Variants in SPTBN4 observed in about 807,000 individuals in gnomAD.
SPTBN4 encodes the protein spectrin beta chain, non-erythrocytic 4.
SPTBN4 carries 96 observed loss-of-function variants against 277.8 expected under a neutral mutation model. That is an observed-to-expected ratio of 0.35 (90% CI 0.29 to 0.41). SPTBN4 has a LOEUF of 0.41. Among genes scored for constraint, SPTBN4 ranks in the 10% least tolerant of loss-of-function variants. The probability of loss-of-function intolerance (pLI) is 1.00; values close to 1 mark genes in which losing one functional copy is unlikely to be tolerated. For missense variants in SPTBN4, 3,006 were observed against 3,595.7 expected, an observed-to-expected ratio of 0.84 and a Z score of 4.19; for synonymous variants, 1,481 against 1,580.3, an observed-to-expected ratio of 0.94 and a Z score of 1.49.
In SPTBN4 at chr19:40,556,211, G is replaced by A. The variant is rs570941668; in HGVS notation, c.5212G>A (p.Glu1738Lys). 6 of 1,613,728 alleles carry A rather than the reference G, an allele frequency of 3.7e-6. No homozygotes were observed. Among genetic ancestry groups the A allele is most frequent in the African/African-American group, 1.3e-5 (1 of 75,014 alleles). ...WLYQLSRQVS[E>K]LEHWIAEKEV... ...GTACCAGCTCAGCCGCCAGGTGAGCGAGCTTGAGCACTGGATTGCCGAGAA... is the reference window on the plus strand; with the variant it reads ...GTACCAGCTCAGCCGCCAGGTGAGCAAGCTTGAGCACTGGATTGCCGAGAA... Residue 1738 changes from glutamate to lysine, a missense_variant, in exon 25 of 36, where the codon GAG (glutamate) becomes AAG (lysine). Glu to Lys is a moderately conservative substitution (Grantham distance 56). This residue lies in a region of SPTBN4 where 425 missense variants were observed against 594.7 expected (regional missense o/e 0.71). Transcript: ENST00000598249.
At chr19:40,483,306 G>A (rs1388702741) in intron 2 of SPTBN4, among the ~76,000 whole-genome samples, 5 of 152,150 alleles carry the variant, frequency 3.3e-5, no homozygotes, top group South Asian at 2.1e-4. Context: ...GGCATCATCT[G>A]TTAGAAGGCA....
chr19:40,568,266 G>A lies in SPTBN4; in HGVS notation c.6940G>A (p.Gly2314Arg), dbSNP rs1246633179. 1 of 1,605,788 alleles carries A rather than the reference G, an allele frequency of 6.2e-7. No homozygotes were observed. Among genetic ancestry groups the A allele is most frequent in the Non-Finnish European group, 8.5e-7 (1 of 1,176,476 alleles). The change falls in exon 31 of 36, where the codon GGA (glycine) becomes AGA (arginine). Residue 2314 changes from glycine (G) to arginine (R), a missense_variant. Around this residue, in one of 5 missense-constraint regions of SPTBN4, gnomAD observed 630 missense variants for 677.6 expected, o/e 0.93. Transcript: ENST00000598249. Reference sequence around the variant, plus strand: ...CAGCGAACAGGAGATGCCCATCAGAGGAGACCTGGTCAAGGGGTGAGGTGC... The same window carrying A: ...CAGCGAACAGGAGATGCCCATCAGAAGAGACCTGGTCAAGGGGTGAGGTGC... The part of the protein sequence containing the change: ...ESSEQEMPIR[G>R]DLVKGKATLA...
intron 16 of SPTBN4, 65 bp downstream of exon 16, chr19:40,520,216 AG>A: frequency 1.1e-6 from 1 of 888,238 alleles, no homozygotes; most frequent in Non-Finnish European, 1.4e-6. Flanking sequence ...TTGCAGGGAC[AG>A]GGACATGCGG....
intron 16 of SPTBN4, among the ~76,000 whole-genome samples, chr19:40,523,115 AGAGT>A (rs1420298622): frequency 6.6e-6 from 1 of 152,176 alleles, no homozygotes; most frequent in East Asian, 1.9e-4. Flanking sequence ...CCTGGGCAAC[AGAGT>A]GAGACTCCAT....
rs756511372 is a variant in SPTBN4 at position 40,554,689 on chromosome 19, A to G, written c.5084+43A>G. ...CAGTTCACAGGAATGGTCCAGCAGG[A>G]CCTGAAGCTTCGCTGTTGGGAGTTG... On this transcript the variant is annotated intron_variant, in intron 24 of 35. Transcript: ENST00000598249. This position sits in a 1 kb window ranked among gnomAD's most constrained non-coding sequence, Gnocchi z 5.7. 52 of 1,586,054 alleles carry G rather than the reference A, an allele frequency of 3.3e-5. No individual in the cohort carries two copies. The highest frequency in any genetic ancestry group is 4.4e-5 in the Non-Finnish European group (51 of 1,167,230).
Position 40,504,152 on chromosome 19 carries a change from G to GGT in SPTBN4, c.1665+20_1665+21insGT. On this transcript the variant is annotated intron_variant, in intron 12 of 35. Coordinates refer to ENST00000598249, the MANE Select transcript of SPTBN4 (RefSeq NM_020971.3). ...ATGCAGGTGCCGGCGGGGGGGCGGG[G>GGT]ATGCGGGTGGAGTGCCAGGAGGGAG... 4.6e-6 allele frequency: 4 copies of GGT among 877,194 alleles called. No homozygotes were observed. Among genetic ancestry groups the GGT allele is most frequent in the Non-Finnish European group, 7.1e-6 (4 of 566,472 alleles). The allele number at this position is 877,194 out of a possible 1,614,324, so 54.3% of individuals were successfully genotyped here. A position where few individuals can be genotyped will look rare whatever the true frequency, so the allele number is the denominator to read the frequency against.
At chr19:40,571,929 C>G in intron 33 of SPTBN4, 90 bp from the exon 34 acceptor site, 1 of 1,421,282 alleles carries the variant, frequency 7.0e-7, no homozygotes, top group Non-Finnish European at 9.3e-7. Flanking sequence ...GGTAGGAAGG[C>G]TCAGACATAT....
intron 20 of SPTBN4, among the ~76,000 whole-genome samples, chr19:40,541,667 T>C (rs576264952): frequency 9.9e-5 from 15 of 152,282 alleles, no homozygotes; most frequent in South Asian, 4.1e-4. Context: ...GCCTCTCTCC[T>C]GTCCTCCCGT....
chr19:40,486,992 G>A (rs533089066), intron 2 of SPTBN4, among the ~76,000 whole-genome samples: 1 of 151,904 alleles, frequency 6.6e-6, no homozygotes, highest in African/African-American at 2.4e-5. Context: ...GCAGAGGGTC[G>A]GGGAAGGCGT....
Position 40,502,754 on chromosome 19 carries a change from G to A in SPTBN4, c.1204-21G>A. The A allele has an allele frequency of 1.2e-6, 2 of 1,611,738 alleles. No individual in the cohort carries two copies. Among genetic ancestry groups the A allele is most frequent in the Non-Finnish European group, 1.7e-6 (2 of 1,178,798 alleles). ...TGTGGGGAGCTGTCAGAGTCTGAGT[G>A]CCTCCTCCCATCTCCTGCAGGCATG... On this transcript the variant is annotated intron_variant, in intron 10 of 35. Transcript: ENST00000598249. This position sits in a 1 kb window ranked among gnomAD's most constrained non-coding sequence, Gnocchi z 4.9.
chr19:40,542,553 C>G (rs1261195338), intron 20 of SPTBN4, among the ~76,000 whole-genome samples: 1 of 152,094 alleles, frequency 6.6e-6, no homozygotes, highest in Admixed American at 6.6e-5. Flanking sequence ...GCACTAGAGG[C>G]TTTGCAGCTG....
Position 40,575,394 on chromosome 19 carries a change from C to G in SPTBN4, c.7537-17C>G. 1 of 1,610,826 alleles carries G rather than the reference C, an allele frequency of 6.2e-7. No individual in the cohort carries two copies. The highest frequency in any genetic ancestry group is 8.5e-7 in the Non-Finnish European group (1 of 1,178,334). ...TCTCTTCCAAATACGGCCTCTGTGC[C>G]CTGTTTCTTCCCCCAGGAGGAGATG... On this transcript the variant is annotated splice_polypyrimidine_tract_variant and intron_variant, in intron 35 of 35. Transcript: ENST00000598249.
intron 20 of SPTBN4, among the ~76,000 whole-genome samples, chr19:40,540,762 T>G (rs1284972378): frequency 7.2e-6 from 1 of 138,410 alleles, no homozygotes; most frequent in African/African-American, 2.8e-5. Flanking sequence ...TGCAGTGAGC[T>G]GTGATCGTGT....
chr19:40,513,624 C>G, intron 14 of SPTBN4, 70 bp downstream of exon 14: 1 of 1,397,602 alleles, frequency 7.2e-7, no homozygotes, highest in Non-Finnish European at 9.5e-7. Context: ...ATTGGCTCAA[C>G]AGTTCCCATG....
At chr19:40,536,482 A>G (rs1390320141) in intron 20 of SPTBN4, among the ~76,000 whole-genome samples, 1 of 152,012 alleles carries the variant, frequency 6.6e-6, no homozygotes, top group Non-Finnish European at 1.5e-5. Context: ...CCAAAGTACT[A>G]GGATTACAGG....
At chr19:40,536,336 C>A (rs1424512992) in intron 20 of SPTBN4, among the ~76,000 whole-genome samples, 1 of 152,128 alleles carries the variant, frequency 6.6e-6, no homozygotes, top group African/African-American at 2.4e-5. Flanking sequence ...GCCTCAGCCT[C>A]CTGAGTAGCT....
chr19:40,530,041 T>A (rs1187243358), intron 18 of SPTBN4, among the ~76,000 whole-genome samples: 1 of 152,066 alleles, frequency 6.6e-6, no homozygotes, highest in Non-Finnish European at 1.5e-5. Flanking sequence ...AGGCCGGGAC[T>A]TGAGCCACTG....
At position 40,513,269 on chromosome 19, in the gene SPTBN4, G is replaced by T; in HGVS notation, c.2480G>T (p.Gly827Val). The T allele has an allele frequency of 6.5e-7, 1 of 1,531,490 alleles. No individual in the cohort carries two copies. 94.9% of individuals were successfully genotyped at this position (1,531,490 alleles called of 1,614,324 possible). The change falls in exon 14 of 36, where the codon GGG becomes GTG. Residue 827 changes from glycine to valine, a missense_variant. Coordinates refer to ENST00000598249, the MANE Select transcript of SPTBN4 (RefSeq NM_020971.3). Reference sequence around the variant, plus strand: ...ACCGGGGAGGTGGAGGCACATCGCGGGCCCGTGAGCGGCCTGCGGCGCCAG... The same window carrying T: ...ACCGGGGAGGTGGAGGCACATCGCGTGCCCGTGAGCGGCCTGCGGCGCCAG... ...ALTGEVEAHR[G>V]PVSGLRRQLA...
In SPTBN4 at chr19:40,523,454, T is replaced by C. The variant is rs2080552229; in HGVS notation, c.3672T>C (p.Gly1224=). ...CTCCCCAGGAGATGGCGCTGTCTGG[T>C]GCGGAGCTCCCGGGCACAGTGGAAT... is the stretch of plus-strand genomic sequence containing the variant. ...VLRNQEMALS[G]AELPGTVESV... Residue 1224 remains glycine (G), a synonymous_variant, in exon 17 of 36, where the codon GGT becomes GGC. Coordinates refer to ENST00000598249, the MANE Select transcript of SPTBN4 (RefSeq NM_020971.3). 1 of 1,608,440 alleles carries C rather than the reference T, an allele frequency of 6.2e-7. No homozygotes were observed. Among genetic ancestry groups the C allele is most frequent in the African/African-American group, 1.3e-5 (1 of 74,972 alleles).
Sources: allele counts gnomAD v4.1 joint callset (sites outside exome capture counted in the v4.1 genomes callset), GRCh38; gene constraint gnomAD v4.1.1; regional missense constraint gnomAD v4.1.1; non-coding constraint Gnocchi (gnomAD v3.1); transcripts MANE v1.5; gene names NCBI Gene and HGNC (gene_info 2026-07-23, HGNC 2026-07-21).